Variants in UBE2R2 observed in about 807,000 individuals in gnomAD.
UBE2R2 encodes ubiquitin-conjugating enzyme E2 R2.
Under a neutral mutation model 27.8 loss-of-function variants are expected in UBE2R2, and 1 was observed. The observed-to-expected ratio is 0.04, with a 90% CI of 0.01 to 0.17. The LOEUF is 0.17. Among genes scored for constraint, UBE2R2 ranks in the 10% least tolerant of loss-of-function variants. The pLI is 1.00. For synonymous variants in UBE2R2, 106 were observed against 113.3 expected, an observed-to-expected ratio of 0.94 and a Z score of 0.41; for missense variants, 100 against 291.0, an observed-to-expected ratio of 0.34 and a Z score of 4.78.
At chr9:33,823,706 G>A (rs1587423140) in intron 1 of UBE2R2, among the ~76,000 whole-genome samples, 1 of 152,090 alleles carries the variant, frequency 6.6e-6, no homozygotes, top group South Asian at 2.1e-4. Flanking sequence ...ATGATTGTTT[G>A]CCTTTTTGAG....
In UBE2R2 at chr9:33,900,271, G is replaced by A. The variant is rs750997097; in HGVS notation, c.362G>A (p.Arg121Lys). 2 of 1,610,244 alleles carry A rather than the reference G, an allele frequency of 1.2e-6. No homozygotes were observed. The highest frequency in any genetic ancestry group is 8.5e-7 in the Non-Finnish European group (1 of 1,177,226). ...SERWNPTQNV[R>K]TILLSVISLL... ...AGGTGGAATCCTACTCAGAATGTGAGGTAAGGAGGAATCTGGTTTTGGAGT... is the reference window on the plus strand; with the variant it reads ...AGGTGGAATCCTACTCAGAATGTGAAGTAAGGAGGAATCTGGTTTTGGAGT... The change falls in exon 3 of 5, where the codon AGG (arginine) becomes AAG (lysine). Residue 121 changes from arginine (R) to lysine (K), a missense_variant and splice_region_variant. Physicochemically the swap from Arg to Lys is conservative, Grantham distance 26. This residue lies in a region of UBE2R2 where 2 missense variants were observed against 39.1 expected (regional missense o/e 0.05). Coordinates refer to ENST00000263228, the MANE Select transcript of UBE2R2 (RefSeq NM_017811.4).
intron 4 of UBE2R2, among the ~76,000 whole-genome samples, chr9:33,914,833 GAAAA>G (rs796226490): frequency 8.2e-6 from 1 of 121,970 alleles, no homozygotes; most frequent in Non-Finnish European, 1.8e-5. Flanking sequence ...CGTCTCAAAA[GAAAA>G]AAAAAAAAAA....
At chr9:33,853,531 C>T (rs1213946988) in intron 1 of UBE2R2, among the ~76,000 whole-genome samples, 2 of 151,972 alleles carry the variant, frequency 1.3e-5, no homozygotes, top group Non-Finnish European at 1.5e-5. Context: ...GTGATCCGCC[C>T]GCCTTGGCCT....
At chr9:33,853,254 A>G (rs887974780) in intron 1 of UBE2R2, among the ~76,000 whole-genome samples, 2 of 150,328 alleles carry the variant, frequency 1.3e-5, no homozygotes, top group African/African-American at 4.9e-5. Flanking sequence ...CTCTCTTCTA[A>G]AGCAAGACTT....
chr9:33,815,736 C>T (rs1825740115), upstream of UBE2R2, among the ~76,000 whole-genome samples: 1 of 152,116 alleles, frequency 6.6e-6, no homozygotes, highest in African/African-American at 2.4e-5. Flanking sequence ...AGAGTAAGAC[C>T]CTGTCTCAAT....
At chr9:33,823,980 G>T (rs1175276834) in intron 1 of UBE2R2, among the ~76,000 whole-genome samples, 2 of 152,144 alleles carry the variant, frequency 1.3e-5, no homozygotes, top group Non-Finnish European at 2.9e-5. Context: ...AGATGAAGTT[G>T]TCTTGAGTAC....
At chr9:33,868,707 A>G (rs1464792960) in intron 1 of UBE2R2, 1 of 152,056 alleles carries the variant, frequency 6.6e-6, no homozygotes, top group Non-Finnish European at 1.5e-5. Context: ...ATATGTCTTG[A>G]TTGCTTTTGC....
In UBE2R2 at chr9:33,919,971, A is replaced by AGTT. The variant is rs1385890328; in HGVS notation, c.*2735_*2737dup. 6.6e-6 allele frequency: 1 copy of AGTT among 152,036 alleles called. No homozygotes were observed. The highest frequency in any genetic ancestry group is 1.5e-5 in the Non-Finnish European group (1 of 68,012). 9.4% of individuals were successfully genotyped at this position (152,036 alleles called of 1,614,324 possible). A position where few individuals can be genotyped will look rare whatever the true frequency, so the allele number is the denominator to read the frequency against. On this transcript the variant is annotated 3_prime_UTR_variant, in exon 5 of 5. Transcript: ENST00000263228. Reference sequence around the variant, plus strand: ...CTTCTCCTTTTATCAATCATTCCAGAGTTATTTTCTATTAGTCAAACTTTT... The same window carrying AGTT: ...CTTCTCCTTTTATCAATCATTCCAGAGTTGTTATTTTCTATTAGTCAAACTTTT...
intron 2 of UBE2R2, among the ~76,000 whole-genome samples, chr9:33,898,385 C>A (rs2130807721): frequency 6.6e-6 from 1 of 152,136 alleles, no homozygotes; most frequent in African/African-American, 2.4e-5. Context: ...TGGCCTCTCT[C>A]TTCTTTTATC....
intron 1 of UBE2R2, among the ~76,000 whole-genome samples, chr9:33,851,833 T>C (rs1820974177): frequency 6.6e-6 from 1 of 152,188 alleles, no homozygotes; most frequent in Admixed American, 6.5e-5. Context: ...AGTAATGGTA[T>C]ACATTCACAT....
At chr9:33,850,013 A>G (rs1820929920) in intron 1 of UBE2R2, among the ~76,000 whole-genome samples, 2 of 152,094 alleles carry the variant, frequency 1.3e-5, no homozygotes, top group Non-Finnish European at 2.9e-5. Flanking sequence ...GCCTATATCT[A>G]TATTTTTTCC....
chr9:33,896,546 G>A (rs376607571), intron 2 of UBE2R2, among the ~76,000 whole-genome samples: 7 of 151,172 alleles, frequency 4.6e-5, no homozygotes, highest in African/African-American at 1.7e-4. Flanking sequence ...GGGTTCAAGC[G>A]ATTCTCCTGC....
chr9:33,906,965 A>C (rs1822370575), intron 3 of UBE2R2, among the ~76,000 whole-genome samples: 1 of 152,200 alleles, frequency 6.6e-6, no homozygotes, highest in Non-Finnish European at 1.5e-5. Flanking sequence ...CAAGTGGTCA[A>C]GGCTTCAGTG....
At chr9:33,816,847 C>T (rs1262621971), upstream of UBE2R2, among the ~76,000 whole-genome samples, 1 of 152,250 alleles carries the variant, frequency 6.6e-6, no homozygotes, top group East Asian at 1.9e-4. Flanking sequence ...GCCTTTGGAA[C>T]TGCGGCGTCC....
chr9:33,911,361 C>T (rs1015508009), intron 3 of UBE2R2, among the ~76,000 whole-genome samples: 1 of 117,576 alleles, frequency 8.5e-6, no homozygotes, highest in African/African-American at 3.3e-5. Flanking sequence ...GCGATCACAC[C>T]ATTGCACTCC....
chr9:33,866,430 A>G (rs1769716), intron 1 of UBE2R2, among the ~76,000 whole-genome samples: 148,836 of 152,086 alleles, frequency 0.98, 72,916 homozygotes, highest in East Asian at 1. Flanking sequence ...GTAGAGACGG[A>G]GTTTCACCTT....
intron 1 of UBE2R2, among the ~76,000 whole-genome samples, chr9:33,865,516 G>A (rs1019262743): frequency 1.6e-4 from 24 of 152,076 alleles, no homozygotes; most frequent in African/African-American, 1.4e-4. Flanking sequence ...TTTAAATGCC[G>A]TTTTTCATTT....
intron 1 of UBE2R2, among the ~76,000 whole-genome samples, chr9:33,843,021 C>CAA (rs56193762): frequency 7.3e-4 from 71 of 97,740 alleles, no homozygotes; most frequent in South Asian, 2.4e-3. Flanking sequence ...ACCGTGTTTA[C>CAA]AAAAAAAAAA....
chr9:33,906,791 A>AGG (rs2130816113), intron 3 of UBE2R2, among the ~76,000 whole-genome samples: 1 of 152,258 alleles, frequency 6.6e-6, no homozygotes, highest in Non-Finnish European at 1.5e-5. Context: ...AATCCTAGCA[A>AGG]CTTGGGAGGC....
Sources: allele counts gnomAD v4.1 joint callset (sites outside exome capture counted in the v4.1 genomes callset), GRCh38; gene constraint gnomAD v4.1.1; regional missense constraint gnomAD v4.1.1; transcripts MANE v1.5; gene names NCBI Gene and HGNC (gene_info 2026-07-23, HGNC 2026-07-21).